Variants in PRKD3 observed in about 807,000 individuals in gnomAD.
PRKD3 encodes the protein serine/threonine-protein kinase D3.
PRKD3 carries 47 observed loss-of-function variants against 99.2 expected under a neutral mutation model. The observed-to-expected ratio is 0.47, with a 90% confidence interval of 0.38 to 0.60. The LOEUF is 0.60. Among genes scored for constraint, PRKD3 ranks in the 20% least tolerant of loss-of-function variants. PRKD3 has a pLI of 0.00. For synonymous variants in PRKD3, 392 were observed against 355.4 expected, an observed-to-expected ratio of 1.10 and a Z score of -1.16; for missense variants, 1,019 against 1,088.4, an observed-to-expected ratio of 0.94 and a Z score of 0.90.
At chr2:37,302,753 T>C (rs1029593493) in intron 2 of PRKD3, among the ~76,000 whole-genome samples, 1 of 152,014 alleles carries the variant, frequency 6.6e-6, no homozygotes, top group Non-Finnish European at 1.5e-5. Flanking sequence ...AGTCTCACCA[T>C]ATTGCCCAGG....
At chr2:37,282,681 A>G (rs1360266415) in intron 6 of PRKD3, 62 bp from the exon 7 acceptor site, 3 of 1,134,660 alleles carry the variant, frequency 2.6e-6, no homozygotes, top group Non-Finnish European at 4.0e-6. Flanking sequence ...AGATATGGTT[A>G]GACTTTCTTT....
In PRKD3 at chr2:37,316,567, C is replaced by A; in HGVS notation, c.-43G>T. On this transcript the variant is annotated 5_prime_UTR_variant, in exon 2 of 19. Transcript: ENST00000234179. ...TTTAAAATAGTTGTCGATTCTTTTT[C>A]AATGGTTATGAAGAGGTTTTTAAAA... 6.3e-7 allele frequency: 1 copy of A among 1,581,352 alleles called. No homozygotes were observed. The highest frequency in any genetic ancestry group is 8.6e-7 in the Non-Finnish European group (1 of 1,165,460).
intron 6 of PRKD3, among the ~76,000 whole-genome samples, chr2:37,285,779 C>G (rs1670061544): frequency 6.6e-6 from 1 of 151,996 alleles, no homozygotes; most frequent in African/African-American, 2.4e-5. Flanking sequence ...TGATCTTAAG[C>G]AAGTTACCTA....
At chr2:37,313,094 A>G (rs1430985797) in intron 2 of PRKD3, among the ~76,000 whole-genome samples, 1 of 152,250 alleles carries the variant, frequency 6.6e-6, no homozygotes, top group Non-Finnish European at 1.5e-5. Context: ...CATATTATAT[A>G]AACTAGAACA....
intron 4 of PRKD3, 119 bp downstream of exon 4, chr2:37,290,749 A>G: frequency 8.6e-7 from 1 of 1,160,640 alleles, no homozygotes; most frequent in South Asian, 1.6e-5. Context: ...GATCTCTCCA[A>G]TTCTAAATCC....
chr2:37,294,506 A>C (rs903224125), intron 2 of PRKD3, among the ~76,000 whole-genome samples: 3 of 152,196 alleles, frequency 2.0e-5, no homozygotes, highest in Non-Finnish European at 1.5e-5. Flanking sequence ...GAAAGTACAG[A>C]AATATTTAGA....
chr2:37,281,217 C>T (rs1669843035), intron 7 of PRKD3, among the ~76,000 whole-genome samples: 1 of 152,046 alleles, frequency 6.6e-6, no homozygotes, highest in African/African-American at 2.4e-5. Flanking sequence ...TAATCAAATG[C>T]ACATTAAGAT....
intron 1 of PRKD3, among the ~76,000 whole-genome samples, chr2:37,322,311 C>G (rs1387768930): frequency 6.6e-6 from 1 of 152,166 alleles, no homozygotes; most frequent in East Asian, 1.9e-4. Flanking sequence ...TTGTAGCAAT[C>G]CCGACAATGA....
At chr2:37,287,666 T>A (rs867476481) in intron 5 of PRKD3, among the ~76,000 whole-genome samples, 1 of 152,194 alleles carries the variant, frequency 6.6e-6, no homozygotes, top group South Asian at 2.1e-4. Flanking sequence ...CAATTTTGTG[T>A]CCCTAGTATA....
At chr2:37,276,253 T>C (rs1384563623) in intron 9 of PRKD3, among the ~76,000 whole-genome samples, 1 of 152,158 alleles carries the variant, frequency 6.6e-6, no homozygotes, top group Non-Finnish European at 1.5e-5. Context: ...TGTTATATTA[T>C]TCTACACAAG....
Position 37,316,219 on chromosome 2 carries a change from T to A in PRKD3, c.288+18A>T, listed in dbSNP as rs1671647937. On this transcript the variant is annotated intron_variant, in intron 2 of 18. Transcript: ENST00000234179. ...CAGTAACAATATTATTTACTACTGA[T>A]AATAGCACACACAGTACCTTTTGAT... 3 of 1,583,108 alleles carry A rather than the reference T, an allele frequency of 1.9e-6. No homozygotes were observed. The highest frequency in any genetic ancestry group is 2.6e-6 in the Non-Finnish European group (3 of 1,154,054).
chr2:37,271,674 T>C (rs1669273433), intron 12 of PRKD3, among the ~76,000 whole-genome samples: 1 of 152,190 alleles, frequency 6.6e-6, no homozygotes, highest in South Asian at 2.1e-4. Context: ...TACTGTGAAC[T>C]GTGCATGCGA....
At position 37,274,511 on chromosome 2, in the gene PRKD3, G is replaced by A; in HGVS notation, c.1561C>T (p.Gln521Ter). 1 of 1,614,110 alleles carries A rather than the reference G, an allele frequency of 6.2e-7. No individual in the cohort carries two copies. The highest frequency in any genetic ancestry group is 8.5e-7 in the Non-Finnish European group (1 of 1,179,998). Residue 521 changes from glutamine (Q) to a stop codon, truncating the protein, a stop_gained, in exon 11 of 19, where the codon CAG (glutamine) becomes TAG (stop). Coordinates refer to ENST00000234179, the MANE Select transcript of PRKD3 (RefSeq NM_005813.6). LOFTEE classifies it high-confidence loss of function. Reference sequence around the variant, plus strand: ...TGGCGAATTGCTTTTTCCCAGCTCTGTGCTACATCAAGTCCAACTCCAGTG... The same window carrying A: ...TGGCGAATTGCTTTTTCCCAGCTCTATGCTACATCAAGTCCAACTCCAGTG... ...AATGVGLDVA[Q>*]SWEKAIRQAL...
At position 37,286,059 on chromosome 2, in the gene PRKD3, T is replaced by C; in HGVS notation, c.910+118A>G. Reference sequence around the variant, plus strand: ...TTTGTTTATATTTCTCTTTCCTTTATATAACAATTATGAGAATAATTTCTT... The same window carrying C: ...TTTGTTTATATTTCTCTTTCCTTTACATAACAATTATGAGAATAATTTCTT... On this transcript the variant is annotated intron_variant, in intron 6 of 18. Transcript: ENST00000234179. 4.4e-6 allele frequency: 4 copies of C among 907,404 alleles called. No homozygotes were observed. The South Asian group carries it at 8.5e-5, about 19-fold the overall frequency. 56.2% of individuals were successfully genotyped at this position (907,404 alleles called of 1,614,324 possible). A position where few individuals can be genotyped will look rare whatever the true frequency, so the allele number is the denominator to read the frequency against.
intron 12 of PRKD3, among the ~76,000 whole-genome samples, chr2:37,271,020 AG>A (rs1669222663): frequency 6.6e-6 from 1 of 152,192 alleles, no homozygotes; most frequent in Non-Finnish European, 1.5e-5. Context: ...ACCTCTCAAC[AG>A]GACAAGAGAC....
intron 1 of PRKD3, among the ~76,000 whole-genome samples, chr2:37,321,458 A>G (rs1261552728): frequency 6.6e-6 from 1 of 152,138 alleles, no homozygotes; most frequent in Admixed American, 6.5e-5. Context: ...AAGTTTATCT[A>G]CTTCCTCTCC....
intron 6 of PRKD3, among the ~76,000 whole-genome samples, chr2:37,283,436 T>A (rs745835150): frequency 1.3e-5 from 2 of 152,214 alleles, no homozygotes; most frequent in Admixed American, 6.5e-5. Context: ...AATGTTTTTG[T>A]AACCCTTGTG....
At chr2:37,299,235 G>A (rs72792837) in intron 2 of PRKD3, among the ~76,000 whole-genome samples, 6,165 of 152,130 alleles carry the variant, frequency 0.041, 132 homozygotes, top group Middle Eastern at 0.099. Flanking sequence ...TATGTTTAAT[G>A]ATTTGCGTAT....
At position 37,267,543 on chromosome 2, in the gene PRKD3, AG is replaced by A; in HGVS notation, c.1778-8del. On this transcript the variant is annotated splice_region_variant and splice_polypyrimidine_tract_variant and intron_variant, in intron 13 of 18. Transcript: ENST00000234179. Reference sequence around the variant, plus strand: ...CCAGTCTTTCTATGTTTTCCTATTAAGAAAAAAAGAAGAGGAACGAATGAAG... The same window carrying A: ...CCAGTCTTTCTATGTTTTCCTATTAAAAAAAAAGAAGAGGAACGAATGAAG... The A allele has an allele frequency of 6.3e-7, 1 of 1,583,132 alleles. No individual in the cohort carries two copies. The highest frequency in any genetic ancestry group is 1.3e-5 in the African/African-American group (1 of 74,080).
Sources: gnomAD v4.1 joint callset for allele counts (sites outside exome capture counted in the v4.1 genomes callset) on GRCh38, gnomAD v4.1.1 for gene constraint, MANE v1.5 for transcripts, NCBI Gene and HGNC (gene_info 2026-07-23, HGNC 2026-07-21) for gene names.